The following ADAMTSL1 variants were observed in gnomAD, a reference collection of about 807,000 sequenced individuals.
ADAMTSL1 encodes ADAMTS like 1, also known as ADAMTS-like protein 1.
Under a neutral mutation model 201.8 loss-of-function variants are expected in ADAMTSL1, and 126 were observed. The observed-to-expected ratio is 0.62, with a 90% CI of 0.54 to 0.72. The LOEUF (loss-of-function observed/expected upper bound fraction) is 0.72, where lower values mean the gene tolerates loss of function less well. ADAMTSL1 is among the 30% of genes least tolerant of loss of function. ADAMTSL1 has a pLI of 0.00. For synonymous variants in ADAMTSL1, 1,121 were observed against 903.4 expected, an observed-to-expected ratio of 1.24 and a Z score of -4.32; for missense variants, 2,679 against 2,277.8, an observed-to-expected ratio of 1.18 and a Z score of -3.59.
At chr9:18,633,325 C>A (rs1211482132) in intron 5 of ADAMTSL1, among the ~76,000 whole-genome samples, 2 of 151,942 alleles carry the variant, frequency 1.3e-5, no homozygotes, top group Non-Finnish European at 2.9e-5. Flanking sequence ...GGTGTGGTGG[C>A]TCACTCCAGT....
At chr9:18,876,325 T>TGTGTGTGC (rs1828149865) in intron 23 of ADAMTSL1, among the ~76,000 whole-genome samples, 1 of 151,460 alleles carries the variant, frequency 6.6e-6, no homozygotes, top group Non-Finnish European at 1.5e-5. Context: ...TGTGTGTGTG[T>TGTGTGTGC]GTGTGCGTGA....
At chr9:18,904,388 G>C (rs1324482474) in intron 26 of ADAMTSL1, among the ~76,000 whole-genome samples, 1 of 151,974 alleles carries the variant, frequency 6.6e-6, no homozygotes, top group Non-Finnish European at 1.5e-5. Context: ...ATAATCACTT[G>C]TACCTGAGAG....
chr9:18,904,545 G>T (rs1321767343), intron 26 of ADAMTSL1, among the ~76,000 whole-genome samples: 1 of 147,210 alleles, frequency 6.8e-6, no homozygotes, highest in Non-Finnish European at 1.5e-5. Context: ...GAGGTCGGGG[G>T]ATCAATTGAG....
intron 1 of ADAMTSL1, among the ~76,000 whole-genome samples, chr9:17,964,548 C>T (rs1191749215): frequency 1.4e-5 from 2 of 140,020 alleles, no homozygotes; most frequent in African/African-American, 5.0e-5. Context: ...AACATACTCA[C>T]ATAACAAAAC....
chr9:18,037,775 A>G (rs556212211), intron 1 of ADAMTSL1, among the ~76,000 whole-genome samples: 3 of 152,184 alleles, frequency 2.0e-5, no homozygotes, highest in Admixed American at 6.5e-5. Flanking sequence ...GTGAAGTAAA[A>G]TTGTTCCATA....
rs867283979 is a variant in ADAMTSL1 at position 18,048,941 on chromosome 9, G to A, written c.88-114921G>A. On this transcript the variant is annotated intron_variant, in intron 1 of 29. Transcript: ENST00000680146. ...AAATCCAAGATCAAGGTATCAGCAGGATTGTTTTCTTCTGGAGGCTTTGAG... is the reference window on the plus strand; with the variant it reads ...AAATCCAAGATCAAGGTATCAGCAGAATTGTTTTCTTCTGGAGGCTTTGAG... Among the ~76,000 whole-genome samples the A allele has an allele frequency of 4.6e-5, 7 of 152,250 alleles. No individual in the cohort carries two copies. In the East Asian group the frequency reaches 1.4e-3, roughly 30 times the overall value.
chr9:18,270,110 C>T (rs1238299380), intron 2 of ADAMTSL1, among the ~76,000 whole-genome samples: 1 of 152,078 alleles, frequency 6.6e-6, no homozygotes, highest in African/African-American at 2.4e-5. Context: ...ATTTAGTTCT[C>T]ATAGTTCTGG....
intron 10 of ADAMTSL1, among the ~76,000 whole-genome samples, chr9:18,679,703 C>T (rs1360356075): frequency 6.6e-6 from 1 of 152,104 alleles, no homozygotes; most frequent in Non-Finnish European, 1.5e-5. Flanking sequence ...GCTTCTGCTC[C>T]TCAGCTTAAT....
At chr9:18,631,148 T>C (rs1043586658) in intron 5 of ADAMTSL1, among the ~76,000 whole-genome samples, 1 of 152,162 alleles carries the variant, frequency 6.6e-6, no homozygotes, top group African/African-American at 2.4e-5. Context: ...ATCAATGAAA[T>C]AGGGTATTTT....
intron 23 of ADAMTSL1, among the ~76,000 whole-genome samples, chr9:18,866,212 G>A (rs77695903): frequency 8.6e-5 from 13 of 150,726 alleles, no homozygotes; most frequent in African/African-American, 3.2e-4. Context: ...TTTCTCATTA[G>A]CAGTGAAACA....
intron 1 of ADAMTSL1, among the ~76,000 whole-genome samples, chr9:18,037,803 C>T (rs1489113773): frequency 6.6e-6 from 1 of 152,122 alleles, no homozygotes; most frequent in East Asian, 1.9e-4. Context: ...AATGCATCCT[C>T]TCCAAATACA....
At chr9:18,180,330 G>A (rs1188023606) in intron 2 of ADAMTSL1, among the ~76,000 whole-genome samples, 4 of 152,044 alleles carry the variant, frequency 2.6e-5, no homozygotes, top group South Asian at 4.2e-4. Flanking sequence ...TCAGGAGATC[G>A]AGACCATCCC....
At chr9:18,438,158 T>C (rs1251803611) in intron 2 of ADAMTSL1, among the ~76,000 whole-genome samples, 1 of 151,496 alleles carries the variant, frequency 6.6e-6, no homozygotes, top group African/African-American at 2.4e-5. Context: ...TGGCGTTATG[T>C]GACCTGAAAG....
At chr9:18,890,049 C>T (rs975981776) in intron 25 of ADAMTSL1, among the ~76,000 whole-genome samples, 8 of 152,264 alleles carry the variant, frequency 5.3e-5, no homozygotes, top group South Asian at 2.1e-4. Flanking sequence ...AAGCCATAGA[C>T]GCCCCCCATC....
At chr9:18,345,303 T>G (rs1392877767) in intron 2 of ADAMTSL1, among the ~76,000 whole-genome samples, 1 of 152,092 alleles carries the variant, frequency 6.6e-6, no homozygotes, top group African/African-American at 2.4e-5. Flanking sequence ...CTGAAGCAAA[T>G]CTAACTCATT....
chr9:18,278,482 C>G (rs1387119662), intron 2 of ADAMTSL1, among the ~76,000 whole-genome samples: 1 of 152,166 alleles, frequency 6.6e-6, no homozygotes, highest in African/African-American at 2.4e-5. Flanking sequence ...TCACCCTACT[C>G]TCTCCTGGGC....
chr9:18,231,894 A>G (rs373033866), intron 2 of ADAMTSL1, among the ~76,000 whole-genome samples: 2 of 152,120 alleles, frequency 1.3e-5, no homozygotes, highest in East Asian at 1.9e-4. Flanking sequence ...TACCACCTTT[A>G]CTCATATCAT....
intron 26 of ADAMTSL1, among the ~76,000 whole-genome samples, chr9:18,899,485 G>C (rs1166655234): frequency 1.3e-5 from 2 of 152,156 alleles, no homozygotes; most frequent in Non-Finnish European, 2.9e-5. Flanking sequence ...AGCCCGAGTA[G>C]TCAAGACAAT....
chr9:17,999,519 T>C (rs1270118110), intron 1 of ADAMTSL1, among the ~76,000 whole-genome samples: 1 of 151,130 alleles, frequency 6.6e-6, no homozygotes, highest in Non-Finnish European at 1.5e-5. Flanking sequence ...AATACTATGC[T>C]CTATTGAGAT....
Sources: gnomAD v4.1 joint callset for allele counts (sites outside exome capture counted in the v4.1 genomes callset) on GRCh38, gnomAD v4.1.1 for gene constraint, MANE v1.5 for transcripts, NCBI Gene and HGNC (gene_info 2026-07-23, HGNC 2026-07-21) for gene names.